The following MARCHF1 variants were observed in gnomAD, a reference collection of about 807,000 sequenced individuals.
The protein encoded by MARCHF1 is membrane associated ring-CH-type finger 1, also known as E3 ubiquitin-protein ligase MARCHF1.
Under a neutral mutation model 54.2 loss-of-function variants are expected in MARCHF1, and 40 were observed. That is an observed-to-expected ratio of 0.74 (90% confidence interval 0.57 to 0.96). The LOEUF (loss-of-function observed/expected upper bound fraction) is 0.96, where lower values mean the gene tolerates loss of function less well. MARCHF1 is among the 40% of genes least tolerant of loss of function. MARCHF1 has a pLI of 0.00. For synonymous variants in MARCHF1, 236 were observed against 236.3 expected, an observed-to-expected ratio of 1.00 and a Z score of 0.01; for missense variants, 586 against 656.5, an observed-to-expected ratio of 0.89 and a Z score of 1.17.
Position 164,185,810 on chromosome 4 carries a change from A to ACACAC in MARCHF1, c.-322-74149_-322-74148insGTGTG, listed in dbSNP as rs1553990115. 1.8e-3 allele frequency among the ~76,000 whole-genome samples: 114 copies of ACACAC among 64,842 alleles called. 3 individuals carry two copies. Among genetic ancestry groups the ACACAC allele is most frequent in the African/African-American group, 5.2e-3 (72 of 13,898 alleles). The allele number at this position is 64,842 out of a possible 152,430, so 42.5% of individuals were successfully genotyped here. Reference sequence around the variant, plus strand: ...TAGTCACACACACACACACACACACAAAAAAAAAAACATTTCAAGACAATA... The same window carrying ACACAC: ...TAGTCACACACACACACACACACACACACACAAAAAAAAAACATTTCAAGACAATA... On this transcript the variant is annotated intron_variant, in intron 1 of 9. Coordinates refer to ENST00000514618, the MANE Select transcript of MARCHF1 (RefSeq NM_001394959.1).
rs554682014 is a variant in MARCHF1 at position 163,714,844 on chromosome 4, A to T, written c.112-13981T>A. Reference sequence around the variant, plus strand: ...GTCACTTTGCCTGGCTAACTTTTTTAAAAAACTTTTTATTTTTTGTGGAGG... The same window carrying T: ...GTCACTTTGCCTGGCTAACTTTTTTTAAAAACTTTTTATTTTTTGTGGAGG... On this transcript the variant is annotated intron_variant, in intron 4 of 9. Transcript: ENST00000514618. Among the ~76,000 whole-genome samples, 15 of 152,006 alleles carry T rather than the reference A, an allele frequency of 9.9e-5. No homozygotes were observed. The East Asian group carries it at 1.9e-3, about 20-fold the overall frequency.
chr4:163,683,426 GA>G (rs1303081813), intron 5 of MARCHF1, among the ~76,000 whole-genome samples: 2 of 152,264 alleles, frequency 1.3e-5, no homozygotes, highest in East Asian at 3.9e-4. Flanking sequence ...CAACATGTGG[GA>G]ATTCAAGATG....
At chr4:163,865,625 T>C (rs1750030551) in intron 3 of MARCHF1, among the ~76,000 whole-genome samples, 1 of 151,882 alleles carries the variant, frequency 6.6e-6, no homozygotes, top group Admixed American at 6.6e-5. Context: ...ATAAAGTGTG[T>C]ATGAAAGACC....
At chr4:164,100,229 A>AT (rs11376571) in intron 2 of MARCHF1, among the ~76,000 whole-genome samples, 127,754 of 152,190 alleles carry the variant, frequency 0.84, 54,129 homozygotes, top group Non-Finnish European at 0.89. Flanking sequence ...AAACGTGTAC[A>AT]TTTGCATAAA....
At chr4:164,285,819 TAAAAAAAAA>T (rs78385104) in intron 1 of MARCHF1, among the ~76,000 whole-genome samples, 1 of 95,852 alleles carries the variant, frequency 1.0e-5, no homozygotes, top group African/African-American at 3.7e-5. Context: ...TGTAGTTCTT[TAAAAAAAAA>T]AAAAAAAAAA....
At chr4:163,890,677 T>C (rs1001527330) in intron 3 of MARCHF1, among the ~76,000 whole-genome samples, 1 of 152,186 alleles carries the variant, frequency 6.6e-6, no homozygotes, top group Middle Eastern at 3.2e-3. Context: ...TTTATTTTTT[T>C]GATTCGGGAG....
intron 2 of MARCHF1, among the ~76,000 whole-genome samples, chr4:164,109,912 TA>T (rs57433858): frequency 1.0e-3 from 66 of 63,144 alleles, no homozygotes; most frequent in East Asian, 2.6e-3. Context: ...AAAATAAAAG[TA>T]AAAAAAAAAA....
At chr4:164,266,480 A>C (rs1733613982) in intron 1 of MARCHF1, among the ~76,000 whole-genome samples, 1 of 152,204 alleles carries the variant, frequency 6.6e-6, no homozygotes, top group Non-Finnish European at 1.5e-5. Flanking sequence ...TTATTCTAAA[A>C]CAAGTAAATG....
chr4:163,544,870 TCTCA>T (rs1182837638), intron 9 of MARCHF1, among the ~76,000 whole-genome samples: 1 of 152,202 alleles, frequency 6.6e-6, no homozygotes, highest in Admixed American at 6.5e-5. Flanking sequence ...TGGGGATGTT[TCTCA>T]CTGTTTTACC....
intron 5 of MARCHF1, among the ~76,000 whole-genome samples, chr4:163,688,869 T>C (rs1478733440): frequency 6.6e-6 from 1 of 152,190 alleles, no homozygotes; most frequent in African/African-American, 2.4e-5. Context: ...TTATTGAGTA[T>C]CTGCAAAAAT....
intron 5 of MARCHF1, among the ~76,000 whole-genome samples, chr4:163,673,014 T>A (rs1284997217): frequency 1.3e-5 from 2 of 152,202 alleles, no homozygotes; most frequent in African/African-American, 4.8e-5. Flanking sequence ...GACAATCTTC[T>A]CATCTCAAGA....
chr4:163,772,119 T>C (rs1257897727), intron 4 of MARCHF1, among the ~76,000 whole-genome samples: 1 of 152,156 alleles, frequency 6.6e-6, no homozygotes, highest in Non-Finnish European at 1.5e-5. Flanking sequence ...ACAACATCTC[T>C]GGCTTTTACA....
chr4:164,243,822 A>C (rs1482863506), intron 1 of MARCHF1, among the ~76,000 whole-genome samples: 1 of 152,058 alleles, frequency 6.6e-6, no homozygotes, highest in Non-Finnish European at 1.5e-5. Context: ...TCTCTGATAA[A>C]ACAGACTTTA....
intron 9 of MARCHF1, among the ~76,000 whole-genome samples, chr4:163,534,088 C>T (rs955388132): frequency 2.0e-5 from 3 of 151,994 alleles, no homozygotes; most frequent in African/African-American, 7.2e-5. Context: ...TAAGCTTTAG[C>T]ACATGCTATT....
At chr4:163,976,454 A>C (rs1356963979) in intron 3 of MARCHF1, among the ~76,000 whole-genome samples, 2 of 152,224 alleles carry the variant, frequency 1.3e-5, no homozygotes, top group African/African-American at 4.8e-5. Flanking sequence ...AACTGTGGCC[A>C]CAAGGCAAAC....
intron 8 of MARCHF1, among the ~76,000 whole-genome samples, chr4:163,555,573 T>TA (rs1265136612): frequency 6.6e-6 from 1 of 152,200 alleles, no homozygotes; most frequent in African/African-American, 2.4e-5. Flanking sequence ...TGGTGAAAGA[T>TA]ATTTTATCAC....
At chr4:164,205,209 G>T (rs7659647) in intron 1 of MARCHF1, among the ~76,000 whole-genome samples, 1 of 152,092 alleles carries the variant, frequency 6.6e-6, no homozygotes, top group Admixed American at 6.6e-5. Context: ...AACAATCTAT[G>T]TATAATGATC....
chr4:163,530,154 C>G (rs1381740561), intron 9 of MARCHF1: 1 of 151,898 alleles, frequency 6.6e-6, no homozygotes. Context: ...AAATCATGCC[C>G]TGTTTGTTTC....
At chr4:164,255,704 T>C (rs76595279) in intron 1 of MARCHF1, among the ~76,000 whole-genome samples, 5,010 of 152,098 alleles carry the variant, frequency 0.033, 186 homozygotes, top group East Asian at 0.16. Context: ...AAAAGTCAAA[T>C]GATATAACAA....
Sources: allele counts gnomAD v4.1 joint callset (sites outside exome capture counted in the v4.1 genomes callset), GRCh38; gene constraint gnomAD v4.1.1; transcripts MANE v1.5; gene names NCBI Gene and HGNC (gene_info 2026-07-23, HGNC 2026-07-21).